ZNF469: variants seen among roughly 807,000 people sequenced by gnomAD.
The protein encoded by ZNF469 is zinc finger protein 469.
Under a neutral mutation model 1.0 loss-of-function variants are expected in ZNF469, and 1 was observed. The observed-to-expected ratio is 1.00, with a 90% confidence interval of 0.35 to 4.73. The LOEUF (loss-of-function observed/expected upper bound fraction) is 4.73, where lower values mean the gene tolerates loss of function less well. ZNF469 is among the 30% of genes most tolerant of loss of function. The pLI, the probability that ZNF469 is intolerant of heterozygous loss-of-function variation, is 0.16. For synonymous variants in ZNF469, 2,703 were observed against 2,363.4 expected (o/e 1.14, Z -4.17); for missense variants, 6,100 against 5,356.3 (o/e 1.14, Z -4.33).
chr16:88,383,721 C>G (rs988945737), intron 1 of ZNF469, among the ~76,000 whole-genome samples: 2 of 151,686 alleles, frequency 1.3e-5, no homozygotes, highest in Non-Finnish European at 2.9e-5. Flanking sequence ...GCCGCCCGCC[C>G]GGGCGTGCTG....
chr16:88,329,562 C>G, the ZNF469 span, among the ~76,000 whole-genome samples: 1 of 152,156 alleles, frequency 6.6e-6, no homozygotes, highest in Non-Finnish European at 1.5e-5. Context: ...GCTCCCTTCT[C>G]AGAGGCGAGG....
chr16:88,177,213 G>A, the ZNF469 span: 2 of 152,220 alleles, frequency 1.3e-5, no homozygotes, highest in African/African-American at 4.8e-5. The surrounding 1 kb of genome is among the most constrained non-coding windows in gnomAD (Gnocchi z 4.8). Context: ...GCAGATCAAG[G>A]GGACCCGAGC....
At chr16:88,415,370 C>T (rs907719414) in intron 1 of ZNF469, among the ~76,000 whole-genome samples, 1 of 152,236 alleles carries the variant, frequency 6.6e-6, no homozygotes, top group South Asian at 2.1e-4. Flanking sequence ...GCCCTTCCCC[C>T]AAGCCCCTCC....
At chr16:88,398,035 C>T (rs575972927) in intron 1 of ZNF469, among the ~76,000 whole-genome samples, 1 of 152,362 alleles carries the variant, frequency 6.6e-6, no homozygotes, top group East Asian at 1.9e-4. Flanking sequence ...CCTCCATTAG[C>T]CTCTGGACAG....
In ZNF469 at chr16:88,440,255, G is replaced by A. The variant is rs991840118; in HGVS notation, c.*923G>A. 1.3e-5 allele frequency: 2 copies of A among 151,746 alleles called. No homozygotes were observed. The highest frequency in any genetic ancestry group is 2.4e-5 in the African/African-American group (1 of 41,152). The allele number at this position is 151,746 out of a possible 1,614,324, so 9.4% of individuals were successfully genotyped here. A position where few individuals can be genotyped will look rare whatever the true frequency, so the allele number is the denominator to read the frequency against. ...GGTCAGGGAGGCCCCACCATGGCTT[G>A]TCGAGGGCACGGGCACCTGCATGGC... On this transcript the variant is annotated 3_prime_UTR_variant, in exon 3 of 3. Transcript: ENST00000565624.
At chr16:88,147,896 G>A in the ZNF469 span, among the ~76,000 whole-genome samples, 1 of 152,160 alleles carries the variant, frequency 6.6e-6, no homozygotes, top group Non-Finnish European at 1.5e-5. Context: ...CCTGAGTGTT[G>A]AAGAGAAATC....
chr16:88,248,860 A>G, the ZNF469 span, among the ~76,000 whole-genome samples: 3 of 152,070 alleles, frequency 2.0e-5, no homozygotes, highest in African/African-American at 7.2e-5. Flanking sequence ...CTCCACTTCA[A>G]AGCTTTTCCT....
the ZNF469 span, among the ~76,000 whole-genome samples, chr16:88,310,911 T>G: frequency 0.71 from 108,390 of 152,056 alleles, 38,866 homozygotes; most frequent in East Asian, 0.91. Context: ...TCTCACCCTC[T>G]CACGGTGCCT....
the ZNF469 span, among the ~76,000 whole-genome samples, chr16:88,334,936 G>C: frequency 6.6e-6 from 1 of 151,742 alleles, no homozygotes; most frequent in African/African-American, 2.4e-5. Context: ...CGTGAAGGAA[G>C]ATGCCAACGG....
At chr16:88,375,946 A>G in the ZNF469 span, among the ~76,000 whole-genome samples, 1 of 152,278 alleles carries the variant, frequency 6.6e-6, no homozygotes, top group Admixed American at 6.5e-5. Flanking sequence ...GGAGTGGATA[A>G]GCCATTTGGA....
the ZNF469 span, among the ~76,000 whole-genome samples, chr16:88,160,373 G>T: frequency 1.3e-5 from 2 of 152,198 alleles, no homozygotes; most frequent in African/African-American, 4.8e-5. Context: ...CCTTGTTAGG[G>T]CCGGCATCTG....
rs1397351812 is a variant in ZNF469 at position 88,437,751 on chromosome 16, C to T, written c.10281C>T (p.Phe3427=). 6.5e-7 allele frequency: 1 copy of T among 1,549,668 alleles called. No individual in the cohort carries two copies. The highest frequency in any genetic ancestry group is 8.7e-7 in the Non-Finnish European group (1 of 1,146,616). ...CCTGCAGCTCCTGCAACTACACCTT[C>T]GCCAAGAAGGAGCAGTTCGACCGCC... ...SFACSSCNYT[F]AKKEQFDRHM... Residue 3427 remains phenylalanine, a synonymous_variant, in exon 3 of 3, where the codon TTC becomes TTT. Coordinates refer to ENST00000565624, the MANE Select transcript of ZNF469 (RefSeq NM_001367624.2).
At chr16:88,102,713 C>G in the ZNF469 span, among the ~76,000 whole-genome samples, 1 of 152,206 alleles carries the variant, frequency 6.6e-6, no homozygotes, top group Non-Finnish European at 1.5e-5. Flanking sequence ...TTGCAGACGC[C>G]GTACTTGGAT....
At chr16:88,355,044 G>A in the ZNF469 span, among the ~76,000 whole-genome samples, 1 of 152,188 alleles carries the variant, frequency 6.6e-6, no homozygotes, top group Non-Finnish European at 1.5e-5. Flanking sequence ...CAGGGAACGT[G>A]GGCTCGCGGC....
chr16:88,279,801 C>T, the ZNF469 span, among the ~76,000 whole-genome samples: 1 of 148,252 alleles, frequency 6.7e-6, no homozygotes, highest in Non-Finnish European at 1.5e-5. Context: ...CACGCTGACA[C>T]TCGGTCAGTA....
At chr16:88,248,147 G>C in the ZNF469 span, among the ~76,000 whole-genome samples, 2 of 152,018 alleles carry the variant, frequency 1.3e-5, no homozygotes, top group African/African-American at 4.8e-5. Context: ...CCAACCAGTG[G>C]GATACACAAG....
chr16:88,425,013 G>T (rs1905639137), intron 2 of ZNF469, among the ~76,000 whole-genome samples, 142 bp downstream of exon 2: 1 of 152,082 alleles, frequency 6.6e-6, no homozygotes, highest in Admixed American at 6.5e-5. Flanking sequence ...CCTCCCGAGA[G>T]CCGACTCCTG....
At chr16:88,172,184 C>A in the ZNF469 span, among the ~76,000 whole-genome samples, 1 of 152,178 alleles carries the variant, frequency 6.6e-6, no homozygotes, top group Non-Finnish European at 1.5e-5. Flanking sequence ...CCAAAGAGAG[C>A]GCCAGAGGTC....
chr16:88,430,638 G>A lies in ZNF469; in HGVS notation c.3168G>A (p.Gln1056=), dbSNP rs1444595106. Residue 1056 remains glutamine, a synonymous_variant, in exon 3 of 3, where the codon CAG becomes CAA. Transcript: ENST00000565624. Reference sequence around the variant, plus strand: ...AGGAGCTCATTCTGAAGATCGTGCAGCAGAAGAACAGGCGCCACCGGCGGC... The same window carrying A: ...AGGAGCTCATTCTGAAGATCGTGCAACAGAAGAACAGGCGCCACCGGCGGC... ...WGKELILKIV[Q]QKNRRHRRLG... 6.7e-7 allele frequency: 1 copy of A among 1,498,682 alleles called. No individual in the cohort carries two copies. Among genetic ancestry groups the A allele is most frequent in the Admixed American group, 2.1e-5 (1 of 47,232 alleles). The allele number at this position is 1,498,682 out of a possible 1,614,324, so 92.8% of individuals were successfully genotyped here. A position where few individuals can be genotyped will look rare whatever the true frequency, so the allele number is the denominator to read the frequency against.
Sources: allele counts gnomAD v4.1 joint callset (sites outside exome capture counted in the v4.1 genomes callset), GRCh38; gene constraint gnomAD v4.1.1; non-coding constraint Gnocchi (gnomAD v3.1); transcripts MANE v1.5; gene names NCBI Gene and HGNC (gene_info 2026-07-23, HGNC 2026-07-21).